ZBTB20: variants seen among roughly 807,000 people sequenced by gnomAD.
ZBTB20 encodes zinc finger and BTB domain containing 20, also known as zinc finger and BTB domain-containing protein 20.
Under a neutral mutation model 56.9 loss-of-function variants are expected in ZBTB20, and 9 were observed. The observed-to-expected ratio is 0.16, with a 90% CI of 0.10 to 0.28. ZBTB20 has a LOEUF of 0.28. ZBTB20 is among the 10% of genes least tolerant of loss of function. ZBTB20 has a pLI of 1.00. For missense variants in ZBTB20, 655 were observed against 1,003.0 expected, an observed-to-expected ratio of 0.65 and a Z score of 4.69; for synonymous variants, 417 against 420.7, an observed-to-expected ratio of 0.99 and a Z score of 0.11.
intron 6 of ZBTB20, among the ~76,000 whole-genome samples, chr3:114,585,884 G>A (rs2055132071): frequency 6.6e-6 from 1 of 152,222 alleles, no homozygotes; most frequent in African/African-American, 2.4e-5. Flanking sequence ...CAGATAAAGG[G>A]TCTAGAACAG....
At chr3:114,497,021 A>G (rs891010309) in intron 7 of ZBTB20, among the ~76,000 whole-genome samples, 5 of 152,216 alleles carry the variant, frequency 3.3e-5, no homozygotes, top group African/African-American at 1.2e-4. Context: ...TGAAGATCCC[A>G]TAAGGATGTA....
intron 7 of ZBTB20, among the ~76,000 whole-genome samples, chr3:114,499,674 G>A (rs918300681): frequency 1.3e-5 from 2 of 152,008 alleles, no homozygotes; most frequent in African/African-American, 4.8e-5. Context: ...CCCATTCAGT[G>A]CAGCCTGGTT....
At chr3:114,963,442 C>G (rs765170904) in intron 3 of ZBTB20, among the ~76,000 whole-genome samples, 5 of 152,076 alleles carry the variant, frequency 3.3e-5, no homozygotes, top group Non-Finnish European at 7.4e-5. Flanking sequence ...AAGTAAGGCA[C>G]CTGTTTCAGT....
At chr3:114,851,223 G>A (rs998003505) in intron 4 of ZBTB20, among the ~76,000 whole-genome samples, 1 of 151,968 alleles carries the variant, frequency 6.6e-6, no homozygotes, top group Non-Finnish European at 1.5e-5. Flanking sequence ...CAATGCTAAT[G>A]GAAAAAAGTT....
At chr3:114,809,698 T>A (rs181374288) in intron 4 of ZBTB20, among the ~76,000 whole-genome samples, 1 of 152,326 alleles carries the variant, frequency 6.6e-6, no homozygotes, top group Non-Finnish European at 1.5e-5. Flanking sequence ...TTTCTTTTTT[T>A]TTCTTCAGAC....
At chr3:114,457,864 T>C (rs1337349083) in intron 7 of ZBTB20, among the ~76,000 whole-genome samples, 2 of 152,152 alleles carry the variant, frequency 1.3e-5, no homozygotes, top group Non-Finnish European at 2.9e-5. Flanking sequence ...TTCTCAGCCA[T>C]GGTACTAAAC....
intron 11 of ZBTB20, among the ~76,000 whole-genome samples, chr3:114,342,441 C>T (rs2079851696): frequency 6.6e-6 from 1 of 152,174 alleles, no homozygotes; most frequent in Non-Finnish European, 1.5e-5. Context: ...TGAATTATAA[C>T]ATCAAGGGGA....
intron 4 of ZBTB20, among the ~76,000 whole-genome samples, chr3:114,893,681 A>G (rs368028832): frequency 6.6e-6 from 1 of 151,866 alleles, no homozygotes; most frequent in South Asian, 2.1e-4. Context: ...GACTGGATAA[A>G]AGAAAAAAAT....
chr3:114,352,753 A>G (rs2080809855), intron 10 of ZBTB20, among the ~76,000 whole-genome samples: 1 of 152,212 alleles, frequency 6.6e-6, no homozygotes, highest in Non-Finnish European at 1.5e-5. Flanking sequence ...TACATTGGTG[A>G]TCATATTTAT....
At chr3:114,435,943 C>T (rs896893776) in intron 7 of ZBTB20, among the ~76,000 whole-genome samples, 2 of 152,086 alleles carry the variant, frequency 1.3e-5, no homozygotes, top group Non-Finnish European at 2.9e-5. Flanking sequence ...TCAGCTTGAA[C>T]ATCAGTAATA....
intron 1 of ZBTB20, among the ~76,000 whole-genome samples, chr3:115,084,436 A>G (rs573673400): frequency 7.9e-5 from 12 of 152,058 alleles, no homozygotes; most frequent in Non-Finnish European, 1.0e-4. Context: ...ATTTGTTTAT[A>G]GGCCATTTAT....
At chr3:114,405,187 G>C (rs890106763) in intron 7 of ZBTB20, among the ~76,000 whole-genome samples, 1 of 151,792 alleles carries the variant, frequency 6.6e-6, no homozygotes, top group Non-Finnish European at 1.5e-5. Flanking sequence ...TGTTAAAACA[G>C]TCTGACTTTT....
chr3:114,833,099 T>A (rs2073942496), intron 4 of ZBTB20, among the ~76,000 whole-genome samples: 1 of 152,148 alleles, frequency 6.6e-6, no homozygotes, highest in Non-Finnish European at 1.5e-5. Context: ...TTTTGGAAGT[T>A]TTTGATTCAT....
chr3:114,912,513 G>T (rs1239781333), intron 3 of ZBTB20, among the ~76,000 whole-genome samples: 1 of 151,750 alleles, frequency 6.6e-6, no homozygotes, highest in Non-Finnish European at 1.5e-5. Flanking sequence ...TGGGGTACAT[G>T]AGATATTTTG....
At chr3:115,127,787 A>C (rs1469667862) in intron 1 of ZBTB20, among the ~76,000 whole-genome samples, 2 of 152,182 alleles carry the variant, frequency 1.3e-5, no homozygotes, top group African/African-American at 4.8e-5. Context: ...ATGCTAAGAA[A>C]TAATTATTTG....
intron 6 of ZBTB20, among the ~76,000 whole-genome samples, chr3:114,679,882 G>A (rs1451197467): frequency 3.9e-5 from 6 of 151,994 alleles, no homozygotes; most frequent in South Asian, 2.1e-4. Flanking sequence ...ACTTGGAACC[G>A]ACCCAAATGC....
At chr3:115,010,966 G>A (rs1002353673) in intron 2 of ZBTB20, among the ~76,000 whole-genome samples, 1 of 151,756 alleles carries the variant, frequency 6.6e-6, no homozygotes, top group African/African-American at 2.4e-5. Context: ...TAATTAAAAA[G>A]AGGCAGGCAG....
intron 6 of ZBTB20, among the ~76,000 whole-genome samples, chr3:114,622,489 T>C (rs968591091): frequency 6.6e-6 from 1 of 152,180 alleles, no homozygotes. Context: ...TGACAGCTGA[T>C]GAATTTAATG....
chr3:114,339,696 T>C lies in ZBTB20; in HGVS notation c.1805-270A>G, dbSNP rs2079617448. On this transcript the variant is annotated intron_variant, in intron 11 of 11. Coordinates refer to ENST00000675478, the MANE Select transcript of ZBTB20 (RefSeq NM_001348800.3). The surrounding 1 kb of genome is among the most constrained non-coding windows in gnomAD (Gnocchi z 4.2). Reference sequence around the variant, plus strand: ...ACGGCTTTCTTGGAAAGCTACCAGATATTCCCCACTAAAAGTCTTCAAGGT... The same window carrying C: ...ACGGCTTTCTTGGAAAGCTACCAGACATTCCCCACTAAAAGTCTTCAAGGT... Among the ~76,000 whole-genome samples the C allele has an allele frequency of 6.6e-6, 1 of 152,194 alleles. No homozygotes were observed. Among genetic ancestry groups the C allele is most frequent in the African/African-American group, 2.4e-5 (1 of 41,446 alleles).
Sources: allele counts gnomAD v4.1 joint callset (sites outside exome capture counted in the v4.1 genomes callset), GRCh38; gene constraint gnomAD v4.1.1; non-coding constraint Gnocchi (gnomAD v3.1); transcripts MANE v1.5; gene names NCBI Gene and HGNC (gene_info 2026-07-23, HGNC 2026-07-21).